The following TOM1L2 variants were observed in gnomAD, a reference collection of about 807,000 sequenced individuals.
TOM1L2 encodes the protein target of myb1 like 2 membrane trafficking protein, also known as TOM1-like protein 2.
TOM1L2 carries 31 observed loss-of-function variants against 67.9 expected under a neutral mutation model. The ratio of observed to expected loss-of-function variants is 0.46; its 90% confidence interval spans 0.34 to 0.62. The LOEUF is 0.62. Among genes scored for constraint, TOM1L2 ranks in the 20% least tolerant of loss-of-function variants. The pLI, the probability that TOM1L2 is intolerant of heterozygous loss-of-function variation, is 0.01. For synonymous variants in TOM1L2, 256 were observed against 254.0 expected (o/e 1.01, Z -0.07); for missense variants, 606 against 663.5 (o/e 0.91, Z 0.95).
intron 1 of TOM1L2, among the ~76,000 whole-genome samples, chr17:17,945,912 A>C (rs2040929813): frequency 6.6e-6 from 1 of 152,320 alleles, no homozygotes. Context: ...AGTGTCACCC[A>C]GGCTGGAGTG....
At chr17:17,893,208 A>C (rs2038382189) in intron 4 of TOM1L2, among the ~76,000 whole-genome samples, 1 of 152,162 alleles carries the variant, frequency 6.6e-6, no homozygotes, top group Non-Finnish European at 1.5e-5. Flanking sequence ...TTTTCCACCA[A>C]ACTCCCCATC....
At position 17,846,176 on chromosome 17, in the gene TOM1L2, G is replaced by A. The variant is rs539124416; in HGVS notation, c.*1459C>T. ...CCAGCCCCCTTTCCCTGCTTGGCTG[G>A]TGGTCTGGGCCGTCCTGCCAGGTGG... On this transcript the variant is annotated 3_prime_UTR_variant, in exon 15 of 15. Transcript: ENST00000379504. The A allele has an allele frequency of 2.0e-5, 3 of 152,398 alleles. No homozygotes were observed. The highest frequency in any genetic ancestry group is 3.9e-4 in the East Asian group (2 of 5,184). The allele number at this position is 152,398 out of a possible 1,614,324, so 9.4% of individuals were successfully genotyped here. A position where few individuals can be genotyped will look rare whatever the true frequency, so the allele number is the denominator to read the frequency against.
At chr17:17,850,494 GAAAAC>G (rs911834296) in intron 13 of TOM1L2, among the ~76,000 whole-genome samples, 22 of 150,442 alleles carry the variant, frequency 1.5e-4, no homozygotes, top group Admixed American at 9.3e-4. Flanking sequence ...AAAAAGAAAT[GAAAAC>G]AAAACAAAAC....
intron 4 of TOM1L2, among the ~76,000 whole-genome samples, chr17:17,892,012 G>A (rs1009895514): frequency 6.6e-6 from 1 of 152,122 alleles, no homozygotes; most frequent in Non-Finnish European, 1.5e-5. Flanking sequence ...CATGTCCCTG[G>A]GTTCTTAGGG....
At chr17:17,951,778 A>T (rs902732085) in intron 1 of TOM1L2, among the ~76,000 whole-genome samples, 6 of 152,218 alleles carry the variant, frequency 3.9e-5, no homozygotes, top group African/African-American at 1.4e-4. Context: ...GCCGAAGGCA[A>T]CTTTCATCCA....
At chr17:17,848,139 C>G (rs1158333529) in intron 14 of TOM1L2, among the ~76,000 whole-genome samples, 1 of 152,178 alleles carries the variant, frequency 6.6e-6, no homozygotes, top group African/African-American at 2.4e-5. Context: ...ACCATCCCAC[C>G]TACCCCACCC....
intron 4 of TOM1L2, among the ~76,000 whole-genome samples, chr17:17,892,239 A>T (rs1044309530): frequency 1.3e-5 from 2 of 152,164 alleles, no homozygotes; most frequent in African/African-American, 4.8e-5. Flanking sequence ...GCTCCTCTCC[A>T]GCTGCACACC....
At chr17:17,900,910 C>G (rs541305368) in intron 2 of TOM1L2, among the ~76,000 whole-genome samples, 1 of 152,328 alleles carries the variant, frequency 6.6e-6, no homozygotes, top group Non-Finnish European at 1.5e-5. Context: ...TGTCCCTGAC[C>G]CACAGCTGCC....
chr17:17,893,053 T>C (rs542530298), intron 4 of TOM1L2, among the ~76,000 whole-genome samples: 4 of 152,190 alleles, frequency 2.6e-5, no homozygotes, highest in African/African-American at 7.2e-5. Context: ...ATAATGAACA[T>C]TTTCCGTTTG....
At chr17:17,968,785 TACTC>T (rs1404527365) in intron 1 of TOM1L2, among the ~76,000 whole-genome samples, 1 of 152,052 alleles carries the variant, frequency 6.6e-6, no homozygotes, top group East Asian at 1.9e-4. Flanking sequence ...TTCAGACTGG[TACTC>T]ACAGATGTGC....
intron 3 of TOM1L2, among the ~76,000 whole-genome samples, chr17:17,895,792 C>G (rs772749418): frequency 2.0e-5 from 3 of 152,176 alleles, no homozygotes; most frequent in African/African-American, 4.8e-5. Flanking sequence ...ATTGTTCCCC[C>G]CTTTGGTCCT....
At chr17:17,900,552 GAA>G (rs936748588) in intron 2 of TOM1L2, among the ~76,000 whole-genome samples, 2 of 148,118 alleles carry the variant, frequency 1.4e-5, no homozygotes, top group Non-Finnish European at 3.0e-5. Context: ...GAGAAAGAAA[GAA>G]AAAAAGTTTA....
chr17:17,949,899 C>A (rs1416609286), intron 1 of TOM1L2, among the ~76,000 whole-genome samples: 1 of 152,016 alleles, frequency 6.6e-6, no homozygotes, highest in Non-Finnish European at 1.5e-5. Context: ...GAGACAGAGT[C>A]TTGCTCTGTC....
intron 4 of TOM1L2, among the ~76,000 whole-genome samples, chr17:17,892,134 C>T (rs1023731764): frequency 2.0e-5 from 3 of 152,060 alleles, no homozygotes; most frequent in South Asian, 4.2e-4. Context: ...TGGAGGCCTC[C>T]GAGGCACCTG....
At chr17:17,923,424 A>G (rs1393304300) in intron 1 of TOM1L2, among the ~76,000 whole-genome samples, 2 of 152,024 alleles carry the variant, frequency 1.3e-5, no homozygotes, top group Non-Finnish European at 2.9e-5. Flanking sequence ...CAAAACAACA[A>G]CAACAACAAC....
At position 17,943,579 on chromosome 17, in the gene TOM1L2, T is replaced by A. The variant is rs533183945; in HGVS notation, c.52+28683A>T. Reference sequence around the variant, plus strand: ...GGAAAGGGGAGCCCGAAGGCTGAGCTGCCTCCAGATCTCTCTTGGGGATTG... The same window carrying A: ...GGAAAGGGGAGCCCGAAGGCTGAGCAGCCTCCAGATCTCTCTTGGGGATTG... On this transcript the variant is annotated intron_variant, in intron 1 of 14. Coordinates refer to ENST00000379504, the MANE Select transcript of TOM1L2 (RefSeq NM_001082968.2). 7.9e-5 allele frequency among the ~76,000 whole-genome samples: 12 copies of A among 152,352 alleles called. No individual in the cohort carries two copies. The East Asian group carries it at 2.3e-3, about 29-fold the overall frequency.
At chr17:17,931,301 C>T (rs2040324844) in intron 1 of TOM1L2, among the ~76,000 whole-genome samples, 1 of 152,198 alleles carries the variant, frequency 6.6e-6, no homozygotes, top group Non-Finnish European at 1.5e-5. Flanking sequence ...CAGCCCATGC[C>T]TCTGCACTGC....
At chr17:17,873,720 C>T (rs2037271412) in intron 7 of TOM1L2, among the ~76,000 whole-genome samples, 1 of 152,204 alleles carries the variant, frequency 6.6e-6, no homozygotes, top group Non-Finnish European at 1.5e-5. Flanking sequence ...TGACTGGATA[C>T]ACTCTCCAAG....
At chr17:17,869,776 T>A (rs139314037) in intron 7 of TOM1L2, 1 of 858,392 alleles carries the variant, frequency 1.2e-6, no homozygotes, top group African/African-American at 1.8e-5. Context: ...AGATTGCTTT[T>A]TCTCAACAAA....
Sources: gnomAD v4.1 joint callset for allele counts (sites outside exome capture counted in the v4.1 genomes callset) on GRCh38, gnomAD v4.1.1 for gene constraint, MANE v1.5 for transcripts, NCBI Gene and HGNC (gene_info 2026-07-23, HGNC 2026-07-21) for gene names.